TUSC3: variants seen among roughly 807,000 people sequenced by gnomAD.
The protein encoded by TUSC3 is dolichyl-diphosphooligosaccharide--protein glycosyltransferase subunit TUSC3.
TUSC3 carries 45 observed loss-of-function variants against 44.8 expected under a neutral mutation model. The observed-to-expected ratio is 1.00, with a 90% CI of 0.79 to 1.29. TUSC3 has a LOEUF of 1.29. Among genes scored for constraint, TUSC3 ranks in the 50% most tolerant of loss-of-function variants. The pLI, the probability that TUSC3 is intolerant of heterozygous loss-of-function variation, is 0.00. For synonymous variants in TUSC3, 212 were observed against 152.9 expected (o/e 1.39, Z -2.85); for missense variants, 519 against 437.9 (o/e 1.19, Z -1.65).
chr8:15,546,430 G>C (rs1023721223), intron 1 of TUSC3, among the ~76,000 whole-genome samples: 6 of 151,790 alleles, frequency 4.0e-5, no homozygotes, highest in African/African-American at 1.4e-4. Flanking sequence ...GTTGTACATG[G>C]ACTATTTTAC....
intron 2 of TUSC3, among the ~76,000 whole-genome samples, chr8:15,626,891 C>T (rs1805534733): frequency 1.3e-5 from 2 of 152,188 alleles, no homozygotes; most frequent in Admixed American, 1.3e-4. Flanking sequence ...ACAACCTGGG[C>T]ACCATGAATG....
At chr8:15,760,587 C>T (rs777291950) in intron 10 of TUSC3, among the ~76,000 whole-genome samples, 7 of 152,126 alleles carry the variant, frequency 4.6e-5, no homozygotes, top group Non-Finnish European at 7.4e-5. Flanking sequence ...GGGGGTGGGA[C>T]GTCAACAAAG....
upstream of TUSC3, among the ~76,000 whole-genome samples, chr8:15,535,674 A>C (rs1801512805): frequency 1.3e-5 from 2 of 152,298 alleles, no homozygotes; most frequent in African/African-American, 4.8e-5. Flanking sequence ...TGTCCCATGG[A>C]GTTTGCATCC....
At chr8:15,737,187 TTAA>T (rs1810972868) in intron 7 of TUSC3, among the ~76,000 whole-genome samples, 2 of 152,068 alleles carry the variant, frequency 1.3e-5, no homozygotes, top group Non-Finnish European at 1.5e-5. Flanking sequence ...TAGAAAAAAA[TTAA>T]TGATAGATGC....
At chr8:15,503,978 C>A (rs186589566) in intron 2 of TUSC3, among the ~76,000 whole-genome samples, 1 of 148,358 alleles carries the variant, frequency 6.7e-6, no homozygotes, top group Non-Finnish European at 1.5e-5. Context: ...CGCACCACTG[C>A]TCTCCAGCCT....
chr8:15,491,138 AATAAAG>A (rs1389539779), intron 2 of TUSC3, among the ~76,000 whole-genome samples: 2 of 152,230 alleles, frequency 1.3e-5, no homozygotes, highest in Non-Finnish European at 2.9e-5. Flanking sequence ...TATAAGATAA[AATAAAG>A]ATAGGATAGA....
At chr8:15,718,216 G>A (rs1042224177) in intron 6 of TUSC3, among the ~76,000 whole-genome samples, 7 of 152,066 alleles carry the variant, frequency 4.6e-5, no homozygotes, top group African/African-American at 1.4e-4. Context: ...TAATCCAAGC[G>A]TGATACATTA....
At chr8:15,517,178 A>C (rs192908516) in intron 2 of TUSC3, among the ~76,000 whole-genome samples, 5 of 152,254 alleles carry the variant, frequency 3.3e-5, no homozygotes, top group Non-Finnish European at 1.5e-5. Context: ...AGATTACACC[A>C]ATTTGCCATA....
intron 3 of TUSC3, among the ~76,000 whole-genome samples, chr8:15,659,245 A>T (rs1234662507): frequency 6.6e-6 from 1 of 152,154 alleles, no homozygotes; most frequent in Non-Finnish European, 1.5e-5. Context: ...GAACGAAATG[A>T]CTTACAAAAT....
chr8:15,427,229 C>CTTTTTTT (rs765417646), intron 1 of TUSC3, among the ~76,000 whole-genome samples: 2 of 144,756 alleles, frequency 1.4e-5, no homozygotes, highest in Non-Finnish European at 3.0e-5. Context: ...AAGGTTTTTC[C>CTTTTTTT]TTTTTTTTTT....
chr8:15,662,212 G>T lies in TUSC3; in HGVS notation c.624G>T (p.Val208=). ...YSGTIALALL[V]SLVGGLLYLR... ...GTACCATTGCTTTGGCCCTGTTAGTGTCGCTTGTTGGAGGTTTGCTTTATT... is the reference window on the plus strand; with the variant it reads ...GTACCATTGCTTTGGCCCTGTTAGTTTCGCTTGTTGGAGGTTTGCTTTATT... The change falls in exon 5 of 11, where the codon GTG becomes GTT. Residue 208 remains valine (V), a synonymous_variant. Transcript: ENST00000503731. 2 of 1,613,192 alleles carry T rather than the reference G, an allele frequency of 1.2e-6. No homozygotes were observed. Among genetic ancestry groups the T allele is most frequent in the Middle Eastern group, 1.7e-4 (1 of 6,058 alleles).
At chr8:15,715,327 T>C (rs1408635990) in intron 6 of TUSC3, among the ~76,000 whole-genome samples, 6 of 152,174 alleles carry the variant, frequency 3.9e-5, no homozygotes, top group Admixed American at 3.9e-4. Context: ...TAATAAATTA[T>C]GTTACGTGGA....
At chr8:15,761,072 A>G (rs775756687) in intron 10 of TUSC3, among the ~76,000 whole-genome samples, 22 of 152,308 alleles carry the variant, frequency 1.4e-4, no homozygotes, top group Non-Finnish European at 2.9e-4. Flanking sequence ...AGAATCTAGT[A>G]CACAATGGTT....
intron 1 of TUSC3, among the ~76,000 whole-genome samples, chr8:15,610,257 C>A (rs1804703170): frequency 6.6e-6 from 1 of 152,066 alleles, no homozygotes; most frequent in Admixed American, 6.6e-5. Flanking sequence ...GTTATTACCA[C>A]AAGTATCAAA....
intron 2 of TUSC3, among the ~76,000 whole-genome samples, chr8:15,530,811 TCTGA>T (rs1234116452): frequency 1.5e-4 from 23 of 152,206 alleles, no homozygotes; most frequent in African/African-American, 5.3e-4. Flanking sequence ...ACAAGAGTCT[TCTGA>T]CTTTTTAAAA....
chr8:15,779,729 T>C, the TUSC3 span, among the ~76,000 whole-genome samples: 1 of 152,214 alleles, frequency 6.6e-6, no homozygotes, highest in South Asian at 2.1e-4. Flanking sequence ...CTATTTTTGG[T>C]AAGCATAAAA....
upstream of TUSC3, among the ~76,000 whole-genome samples, chr8:15,538,072 C>T (rs1801549444): frequency 6.6e-6 from 1 of 152,100 alleles, no homozygotes; most frequent in African/African-American, 2.4e-5. Flanking sequence ...TATTAAAACC[C>T]ACCAGCCGCA....
intron 10 of TUSC3, 133 bp downstream of exon 10, chr8:15,757,988 T>C (rs1812003060): frequency 6.8e-7 from 1 of 1,469,332 alleles, no homozygotes; most frequent in Non-Finnish European, 9.0e-7. Flanking sequence ...AACTGTGAGA[T>C]TCCATATTCC....
chr8:15,490,573 C>T (rs1800794811), intron 2 of TUSC3, among the ~76,000 whole-genome samples: 1 of 152,140 alleles, frequency 6.6e-6, no homozygotes, highest in Non-Finnish European at 1.5e-5. Context: ...TTGGGAGCTC[C>T]CAAGCCCAGC....
Sources: allele counts gnomAD v4.1 joint callset (sites outside exome capture counted in the v4.1 genomes callset), GRCh38; gene constraint gnomAD v4.1.1; transcripts MANE v1.5; gene names NCBI Gene and HGNC (gene_info 2026-07-23, HGNC 2026-07-21).